Variants in CADPS2 observed in about 807,000 individuals in gnomAD.
The protein encoded by CADPS2 is calcium dependent secretion activator 2.
In CADPS2, 93 loss-of-function variants were observed where a neutral mutation model predicts 172.5. The observed-to-expected ratio is 0.54, with a 90% CI of 0.46 to 0.64. The LOEUF (loss-of-function observed/expected upper bound fraction) is 0.64, where lower values mean the gene tolerates loss of function less well. CADPS2 is among the 30% of genes least tolerant of loss of function. The pLI is 0.00. For synonymous variants in CADPS2, 546 were observed against 555.2 expected, an observed-to-expected ratio of 0.98 and a Z score of 0.23; for missense variants, 1,420 against 1,565.9, an observed-to-expected ratio of 0.91 and a Z score of 1.57.
At position 122,379,386 on chromosome 7, in the gene CADPS2, A is replaced by G; in HGVS notation, c.3369T>C (p.Ile1123=). Residue 1123 remains isoleucine (I), a synonymous_variant, in exon 25 of 30, where the codon ATT becomes ATC. Coordinates refer to ENST00000449022, the MANE Select transcript of CADPS2 (RefSeq NM_017954.11). ...DLIDNSVKEI[I]SLLVSKFVSV... Reference sequence around the variant, plus strand: ...ACATTACCTTTGAAACTAACAGTGAAATGATTTCTTTTACACTGTTGTCGA... The same window carrying G: ...ACATTACCTTTGAAACTAACAGTGAGATGATTTCTTTTACACTGTTGTCGA... 1.9e-6 allele frequency: 3 copies of G among 1,597,816 alleles called. No homozygotes were observed. The highest frequency in any genetic ancestry group is 2.6e-6 in the Non-Finnish European group (3 of 1,167,730).
intron 1 of CADPS2, among the ~76,000 whole-genome samples, chr7:122,785,078 A>T (rs1267239381): frequency 3.3e-5 from 5 of 152,220 alleles, no homozygotes; most frequent in Admixed American, 3.3e-4. Context: ...GATCAACCAG[A>T]ACAGTAAATC....
chr7:122,370,889 G>A (rs1008901082), intron 25 of CADPS2, among the ~76,000 whole-genome samples: 2 of 152,148 alleles, frequency 1.3e-5, no homozygotes, highest in African/African-American at 2.4e-5. Flanking sequence ...GGGACTTGTA[G>A]GTGATGCTAA....
chr7:122,770,885 G>A (rs7808554), intron 1 of CADPS2, among the ~76,000 whole-genome samples: 1,825 of 152,280 alleles, frequency 0.012, 38 homozygotes, highest in African/African-American at 0.042. Flanking sequence ...GTCAAGTGAC[G>A]AAGCAGGTCT....
At chr7:122,685,751 T>C (rs779418763) in intron 2 of CADPS2, among the ~76,000 whole-genome samples, 1 of 152,238 alleles carries the variant, frequency 6.6e-6, no homozygotes, top group Non-Finnish European at 1.5e-5. Flanking sequence ...TTTTATATGG[T>C]TCACCACTGT....
intron 24 of CADPS2, among the ~76,000 whole-genome samples, chr7:122,384,429 T>A (rs987962313): frequency 1.3e-5 from 2 of 152,056 alleles, no homozygotes; most frequent in African/African-American, 4.8e-5. Flanking sequence ...AATGATCTAG[T>A]TTTTTTCAAC....
intron 7 of CADPS2, among the ~76,000 whole-genome samples, chr7:122,575,836 T>C (rs1019849136): frequency 5.3e-5 from 8 of 152,168 alleles, no homozygotes; most frequent in Admixed American, 5.2e-4. Flanking sequence ...TATAGACGTT[T>C]TACGTTTTAG....
At chr7:122,369,925 ACT>A (rs2151251389) in intron 25 of CADPS2, 1 of 151,836 alleles carries the variant, frequency 6.6e-6, no homozygotes, top group Non-Finnish European at 1.5e-5. Context: ...CCCTACCCAC[ACT>A]CTCCAACCTT....
At chr7:122,865,866 G>T (rs1445832686) in intron 1 of CADPS2, among the ~76,000 whole-genome samples, 1 of 152,198 alleles carries the variant, frequency 6.6e-6, no homozygotes, top group Non-Finnish European at 1.5e-5. Flanking sequence ...GGAAGAAAGG[G>T]GAGCCACATG....
At chr7:122,554,000 T>C (rs1014062177) in intron 8 of CADPS2, among the ~76,000 whole-genome samples, 1 of 152,120 alleles carries the variant, frequency 6.6e-6, no homozygotes, top group African/African-American at 2.4e-5. Context: ...CTCTGACCCC[T>C]GGTGATCCCC....
chr7:122,721,354 GA>G (rs779729621), intron 2 of CADPS2, among the ~76,000 whole-genome samples: 1 of 151,952 alleles, frequency 6.6e-6, no homozygotes, highest in African/African-American at 2.4e-5. Context: ...TGATAAAGGG[GA>G]TATCCCCACC....
intron 1 of CADPS2, among the ~76,000 whole-genome samples, chr7:122,763,002 C>T (rs768533129): frequency 6.6e-6 from 1 of 151,928 alleles, no homozygotes; most frequent in African/African-American, 2.4e-5. Flanking sequence ...TACAGAGCAA[C>T]CAGTTTCAAT....
chr7:122,349,452 T>C (rs1001866594), intron 27 of CADPS2, among the ~76,000 whole-genome samples: 4 of 152,192 alleles, frequency 2.6e-5, no homozygotes, highest in African/African-American at 7.2e-5. Flanking sequence ...TTTATTAAGA[T>C]GGTAATCTCT....
At chr7:122,701,820 T>C (rs752037797) in intron 2 of CADPS2, 17 of 1,519,744 alleles carry the variant, frequency 1.1e-5, no homozygotes, top group Non-Finnish European at 1.4e-5. Flanking sequence ...CTTCAGAAAA[T>C]TCTCCAGATT....
At chr7:122,751,761 C>G (rs1489672209) in intron 1 of CADPS2, among the ~76,000 whole-genome samples, 7 of 152,130 alleles carry the variant, frequency 4.6e-5, no homozygotes, top group African/African-American at 1.7e-4. Context: ...AGAAAACCTA[C>G]ACAATACTAA....
chr7:122,510,646 T>C (rs952149697), intron 9 of CADPS2, among the ~76,000 whole-genome samples: 2 of 152,172 alleles, frequency 1.3e-5, no homozygotes, highest in African/African-American at 4.8e-5. Context: ...ATTCTGCCGA[T>C]GGCAGCGGCA....
At chr7:122,802,084 G>T (rs976200133) in intron 1 of CADPS2, among the ~76,000 whole-genome samples, 6 of 151,972 alleles carry the variant, frequency 3.9e-5, no homozygotes, top group Non-Finnish European at 5.9e-5. Flanking sequence ...CAGTGTCACA[G>T]CATGTATAAA....
At chr7:122,626,270 G>A (rs2076081956) in intron 4 of CADPS2, among the ~76,000 whole-genome samples, 2 of 152,120 alleles carry the variant, frequency 1.3e-5, no homozygotes, top group Admixed American at 6.5e-5. Context: ...GTAGAATCCA[G>A]GAGACTGGCT....
chr7:122,731,737 A>G (rs2091664367), intron 2 of CADPS2, among the ~76,000 whole-genome samples: 1 of 151,898 alleles, frequency 6.6e-6, no homozygotes, highest in African/African-American at 2.4e-5. Flanking sequence ...AACAATTAGG[A>G]ACCGCAAAAT....
chr7:122,388,622 T>C lies in CADPS2; in HGVS notation c.3125A>G (p.Lys1042Arg). Residue 1042 changes from lysine to arginine, a missense_variant, in exon 23 of 30, where the codon AAA becomes AGA. Coordinates refer to ENST00000449022, the MANE Select transcript of CADPS2 (RefSeq NM_017954.11). ...EFAHHLEQRL[K>R]LMASDMLEAC... ...CTCTAGCATATCACTGGCCATTAGTTTAAGTCTTTGCTCTAAGTGGTGGGC... is the reference window on the plus strand; with the variant it reads ...CTCTAGCATATCACTGGCCATTAGTCTAAGTCTTTGCTCTAAGTGGTGGGC... 3 of 1,609,338 alleles carry C rather than the reference T, an allele frequency of 1.9e-6. No individual in the cohort carries two copies. The highest frequency in any genetic ancestry group is 2.5e-6 in the Non-Finnish European group (3 of 1,176,928).
Sources: gnomAD v4.1 joint callset for allele counts (sites outside exome capture counted in the v4.1 genomes callset) on GRCh38, gnomAD v4.1.1 for gene constraint, MANE v1.5 for transcripts, NCBI Gene and HGNC (gene_info 2026-07-23, HGNC 2026-07-21) for gene names.